Variants in PCCB observed in about 807,000 individuals in gnomAD.
PCCB encodes the protein propionyl-CoA carboxylase beta chain, mitochondrial.
A neutral mutation model predicts 60.7 loss-of-function variants in PCCB; 43 were observed. That is an observed-to-expected ratio of 0.71 (90% CI 0.55 to 0.91). The LOEUF is 0.91. Ranked by LOEUF, PCCB falls within the 40% of genes least tolerant of loss-of-function variation. PCCB has a pLI of 0.00. For synonymous variants in PCCB, 276 were observed against 255.9 expected (o/e 1.08, Z -0.75); for missense variants, 766 against 702.8 (o/e 1.09, Z -1.02).
intron 5 of PCCB, among the ~76,000 whole-genome samples, chr3:136,273,623 G>A (rs1303429414): frequency 2.8e-5 from 1 of 36,072 alleles, no homozygotes; most frequent in Non-Finnish European, 5.8e-5. Flanking sequence ...TTTTTTTACT[G>A]TTGTTGCTTT....
intron 8 of PCCB, 59 bp downstream of exon 8, chr3:136,298,131 C>T (rs1031038230): frequency 6.2e-7 from 1 of 1,607,648 alleles, no homozygotes; most frequent in Non-Finnish European, 8.5e-7. Flanking sequence ...CTTTCTCTGC[C>T]CTGACAGGAC....
chr3:136,266,588 A>G (rs1941989938), intron 5 of PCCB, among the ~76,000 whole-genome samples: 1 of 151,242 alleles, frequency 6.6e-6, no homozygotes, highest in South Asian at 2.1e-4. Flanking sequence ...TGCCTGGTCC[A>G]GTCTTTTTGA....
intron 5 of PCCB, among the ~76,000 whole-genome samples, chr3:136,266,524 C>T (rs112860788): frequency 1.3e-5 from 2 of 152,020 alleles, no homozygotes; most frequent in South Asian, 2.1e-4. Flanking sequence ...TGGGGTCAAG[C>T]GATCCTCCTG....
At chr3:136,251,949 C>T (rs1310995907) in intron 1 of PCCB, among the ~76,000 whole-genome samples, 1 of 151,594 alleles carries the variant, frequency 6.6e-6, no homozygotes, top group Non-Finnish European at 1.5e-5. Flanking sequence ...GCGATCTTGG[C>T]TCATTGCAAC....
intron 9 of PCCB, among the ~76,000 whole-genome samples, chr3:136,308,979 C>G (rs1401799009): frequency 6.6e-6 from 1 of 152,006 alleles, no homozygotes; most frequent in Non-Finnish European, 1.5e-5. Flanking sequence ...GGAAAATAAA[C>G]AGGCCAGGTG....
At position 136,326,874 on chromosome 3, in the gene PCCB, C is replaced by G; in HGVS notation, c.1162C>G (p.Leu388Val). Residue 388 changes from leucine (L) to valine (V), a missense_variant, in exon 11 of 15, where the codon CTC becomes GTC. By Grantham distance (32) the Leu-to-Val change is conservative. Transcript: ENST00000251654. The part of the protein sequence containing the change: ...VRFCDAFNIP[L>V]ITFVDVPGFL... ...ATTCTGTGATGCATTCAATATTCCA[C>G]TCATCACTTTTGTTGATGTCCCTGG... 6.2e-7 allele frequency: 1 copy of G among 1,612,848 alleles called. No individual in the cohort carries two copies. The highest frequency in any genetic ancestry group is 8.5e-7 in the Non-Finnish European group (1 of 1,178,788).
chr3:136,263,432 A>G (rs112502744), intron 5 of PCCB, among the ~76,000 whole-genome samples: 7 of 150,190 alleles, frequency 4.7e-5, no homozygotes, highest in African/African-American at 1.5e-4. Context: ...CATCCGGTGA[A>G]TTTTTTTTTG....
chr3:136,254,745 C>G (rs1451016281), intron 1 of PCCB, among the ~76,000 whole-genome samples: 2 of 150,330 alleles, frequency 1.3e-5, no homozygotes, highest in African/African-American at 4.9e-5. Context: ...TGTTGTCCAG[C>G]TGGTCTCAAA....
chr3:136,268,665 T>C (rs1030388604), intron 5 of PCCB, among the ~76,000 whole-genome samples: 2 of 152,000 alleles, frequency 1.3e-5, no homozygotes, highest in Non-Finnish European at 2.9e-5. Flanking sequence ...GGTTTCACCA[T>C]GTTAGTCAGG....
intron 10 of PCCB, among the ~76,000 whole-genome samples, chr3:136,323,904 C>T (rs1935200922): frequency 6.7e-6 from 1 of 149,164 alleles, no homozygotes; most frequent in African/African-American, 2.5e-5. Context: ...CATTTTATAC[C>T]TTGTGATTTT....
chr3:136,283,228 C>G (rs1336456705), intron 5 of PCCB, among the ~76,000 whole-genome samples: 1 of 152,122 alleles, frequency 6.6e-6, no homozygotes, highest in East Asian at 1.9e-4. Context: ...TTTGAGCCCC[C>G]ACATCCTATC....
intron 10 of PCCB, among the ~76,000 whole-genome samples, chr3:136,322,233 C>A (rs142910878): frequency 3.9e-5 from 6 of 152,174 alleles, no homozygotes; most frequent in South Asian, 2.1e-4. Flanking sequence ...GATTTTTCTT[C>A]TTTAGACTGT....
At chr3:136,273,590 CTTTTTTCTT>C (rs1273031177) in intron 5 of PCCB, among the ~76,000 whole-genome samples, 15 of 65,638 alleles carry the variant, frequency 2.3e-4, no homozygotes, top group African/African-American at 8.3e-4. Flanking sequence ...TTTTTTTTTT[CTTTTTTCTT>C]TTTTTTTTTT....
rs1400283142 is a variant in PCCB at position 136,309,580 on chromosome 3, G to A, written c.967-7361G>A. ...TTTGGGAGGCTGAGGTGGGAGGATCGCTTGAAGCCAGGAGTTGAAGACCAA... is the reference window on the plus strand; with the variant it reads ...TTTGGGAGGCTGAGGTGGGAGGATCACTTGAAGCCAGGAGTTGAAGACCAA... On this transcript the variant is annotated intron_variant, in intron 9 of 14. Coordinates refer to ENST00000251654, the MANE Select transcript of PCCB (RefSeq NM_000532.5). Among the ~76,000 whole-genome samples the A allele has an allele frequency of 6.6e-5, 10 of 151,762 alleles. No individual in the cohort carries two copies. In the South Asian group the frequency reaches 8.3e-4, roughly 13 times the overall value.
At chr3:136,291,405 T>C (rs1168579623) in intron 6 of PCCB, among the ~76,000 whole-genome samples, 1 of 152,242 alleles carries the variant, frequency 6.6e-6, no homozygotes, top group Non-Finnish European at 1.5e-5. Flanking sequence ...TTATGACTTA[T>C]TCCTGATAGC....
intron 10 of PCCB, among the ~76,000 whole-genome samples, chr3:136,318,492 A>C (rs1469198618): frequency 1.3e-5 from 2 of 152,234 alleles, no homozygotes; most frequent in Non-Finnish European, 2.9e-5. Context: ...TGCAACCATC[A>C]CCACTGTTTC....
chr3:136,293,048 T>C (rs1167361785), intron 6 of PCCB, among the ~76,000 whole-genome samples: 2 of 152,258 alleles, frequency 1.3e-5, no homozygotes, highest in African/African-American at 4.8e-5. Context: ...GTTTTTACTC[T>C]GTCACCCAGG....
intron 9 of PCCB, among the ~76,000 whole-genome samples, chr3:136,310,485 G>A (rs1478357622): frequency 3.9e-5 from 6 of 152,300 alleles, no homozygotes; most frequent in Non-Finnish European, 5.9e-5. Flanking sequence ...TTGTGCCACG[G>A]CACTCTACCC....
At chr3:136,299,602 A>G (rs1314879754) in intron 8 of PCCB, among the ~76,000 whole-genome samples, 4 of 99,554 alleles carry the variant, frequency 4.0e-5, no homozygotes, top group Non-Finnish European at 6.1e-5. Flanking sequence ...ATGTGTATGT[A>G]TGTATATGCA....
Sources: gnomAD v4.1 joint callset for allele counts (sites outside exome capture counted in the v4.1 genomes callset) on GRCh38, gnomAD v4.1.1 for gene constraint, MANE v1.5 for transcripts, NCBI Gene and HGNC (gene_info 2026-07-23, HGNC 2026-07-21) for gene names.